Variants in USH2A observed in about 807,000 individuals in gnomAD.
USH2A encodes Usher syndrome 2A (autosomal recessive, mild).
USH2A carries 443 observed loss-of-function variants against 538.9 expected under a neutral mutation model. The observed-to-expected ratio is 0.82, with a 90% CI of 0.76 to 0.89. USH2A has a LOEUF of 0.89. Among genes scored for constraint, USH2A ranks in the 40% least tolerant of loss-of-function variants. The probability of loss-of-function intolerance (pLI) is 0.00; values close to 1 mark genes in which losing one functional copy is unlikely to be tolerated. For missense variants in USH2A, 6,633 were observed against 6,324.8 expected (o/e 1.05, Z -1.65); for synonymous variants, 2,413 against 2,273.5 (o/e 1.06, Z -1.75).
intron 21 of USH2A, among the ~76,000 whole-genome samples, chr1:216,110,157 C>T (rs887097614): frequency 6.6e-6 from 1 of 151,974 alleles, no homozygotes; most frequent in African/African-American, 2.4e-5. Context: ...AATCAAGTAT[C>T]ATATGATGTT....
chr1:216,176,993 A>G (rs1312662803), intron 20 of USH2A, among the ~76,000 whole-genome samples: 3 of 152,204 alleles, frequency 2.0e-5, no homozygotes, highest in African/African-American at 7.2e-5. Flanking sequence ...GGCAATTGTG[A>G]ATAAAGCTGC....
chr1:216,070,506 G>A lies in USH2A; in HGVS notation c.5858-214C>T, dbSNP rs138682307. Among the ~76,000 whole-genome samples, 4,164 of 152,046 alleles carry A rather than the reference G, an allele frequency of 0.027. 102 individuals carry two copies. The highest frequency in any genetic ancestry group is 0.068 in the Middle Eastern group (20 of 294). ...ATTTCAAAACCATCAAAACTCCATC[G>A]ACATAACATTCTTTCAAGTCTAGTC... On this transcript the variant is annotated intron_variant, in intron 29 of 71. Coordinates refer to ENST00000307340, the MANE Select transcript of USH2A (RefSeq NM_206933.4).
At chr1:215,673,506 C>T (rs1290560077) in intron 63 of USH2A, among the ~76,000 whole-genome samples, 1 of 152,152 alleles carries the variant, frequency 6.6e-6, no homozygotes, top group Non-Finnish European at 1.5e-5. Context: ...CAACGCACTT[C>T]CATGCATGTC....
chr1:216,239,842 T>C (rs567725162), intron 13 of USH2A, among the ~76,000 whole-genome samples: 1 of 152,182 alleles, frequency 6.6e-6, no homozygotes, highest in South Asian at 2.1e-4. Context: ...ATCAGCAGAA[T>C]TGGTTTTATT....
intron 21 of USH2A, among the ~76,000 whole-genome samples, chr1:216,146,277 A>T (rs2033701611): frequency 6.6e-6 from 1 of 152,124 alleles, no homozygotes; most frequent in South Asian, 2.1e-4. Flanking sequence ...TCTTGGTGCC[A>T]CACTTCAATC....
rs145411409 is a variant in USH2A, at chr1:215,967,460, C to T, written c.6958-1981G>A. 9.9e-3 allele frequency among the ~76,000 whole-genome samples: 1,512 copies of T among 152,250 alleles called. 21 individuals are homozygous for T. The highest frequency in any genetic ancestry group is 0.034 in the African/African-American group (1,403 of 41,532). ...GGGATTACAGGTGTGAGCCACCATG[C>T]CTGGCCATAAACTGTTATTCTTAAT... On this transcript the variant is annotated intron_variant, in intron 36 of 71. Coordinates refer to ENST00000307340, the MANE Select transcript of USH2A (RefSeq NM_206933.4).
At chr1:216,043,513 T>C (rs891666242) in intron 32 of USH2A, among the ~76,000 whole-genome samples, 2 of 152,116 alleles carry the variant, frequency 1.3e-5, no homozygotes, top group African/African-American at 4.8e-5. Flanking sequence ...AATCAATCTA[T>C]TACCATGGAT....
chr1:216,190,086 G>T, intron 20 of USH2A, 137 bp downstream of exon 20: 1 of 1,257,602 alleles, frequency 8.0e-7, no homozygotes, highest in Non-Finnish European at 1.1e-6. Context: ...GTTTAAAACT[G>T]TTGAGGTAAG....
At chr1:216,109,029 G>T (rs1400410263) in intron 21 of USH2A, among the ~76,000 whole-genome samples, 3 of 152,034 alleles carry the variant, frequency 2.0e-5, no homozygotes, top group African/African-American at 7.2e-5. Context: ...TTCAACCATT[G>T]GTGATGCCAC....
rs727504551 is a variant in USH2A, at chr1:215,674,103, T to G, written c.13808A>C (p.His4603Pro). The G allele has an allele frequency of 2.5e-6, 4 of 1,614,048 alleles. No individual in the cohort carries two copies. Among genetic ancestry groups the G allele is most frequent in the Non-Finnish European group, 3.4e-6 (4 of 1,179,986 alleles). The change falls in exon 63 of 72, where the codon CAC (histidine) becomes CCC (proline). Residue 4603 changes from histidine (H) to proline (P), a missense_variant. Transcript: ENST00000307340. ...SYIVNQLKPF[H>P]RYEIRIQACT... ...AAACCGAGACATGGCTACCTACCTGTGAAATGGCTTCAGCTGGTTTACTAT... is the reference window on the plus strand; with the variant it reads ...AAACCGAGACATGGCTACCTACCTGGGAAATGGCTTCAGCTGGTTTACTAT...
chr1:216,213,154 C>A (rs534186957), intron 15 of USH2A, among the ~76,000 whole-genome samples: 1 of 152,182 alleles, frequency 6.6e-6, no homozygotes, highest in African/African-American at 2.4e-5. Flanking sequence ...TTATTCATTG[C>A]TGGCTTATAG....
chr1:216,247,094 TC>T lies in USH2A; in HGVS notation c.2299del (p.Glu767SerfsTer21), dbSNP rs80338903. 1,529 of 1,613,920 alleles carry T rather than the reference TC, an allele frequency of 9.5e-4. 2 individuals are homozygous for T. The highest frequency in any genetic ancestry group is 1.4e-3 in the Admixed American group (84 of 59,990). ...AAGTCCTTTGGCTTCTTTTTTGCACTCACACTGCCCAGAGTGAGGATTGCAG... is the reference window on the plus strand; with the variant it reads ...AAGTCCTTTGGCTTCTTTTTTGCACTACACTGCCCAGAGTGAGGATTGCAG... ...KFCNPHSGQC[E>X]CKKEAKGLQC... is the part of the protein sequence containing the mutation. On this transcript the variant is annotated frameshift_variant, in exon 13 of 72. Coordinates refer to ENST00000307340, the MANE Select transcript of USH2A (RefSeq NM_206933.4). LOFTEE classifies it high-confidence loss of function.
At chr1:216,358,192 G>A (rs2038423537) in intron 4 of USH2A, among the ~76,000 whole-genome samples, 1 of 152,106 alleles carries the variant, frequency 6.6e-6, no homozygotes, top group East Asian at 1.9e-4. Context: ...CTCTGTAGTA[G>A]CCAACACTCA....
intron 11 of USH2A, among the ~76,000 whole-genome samples, chr1:216,280,653 G>C (rs149487077): frequency 1.4e-4 from 21 of 152,218 alleles, no homozygotes; most frequent in African/African-American, 4.8e-4. Flanking sequence ...CAGTGACTCA[G>C]AGCATTACTT....
At chr1:216,061,300 T>C (rs1057017611) in intron 30 of USH2A, among the ~76,000 whole-genome samples, 5 of 152,252 alleles carry the variant, frequency 3.3e-5, no homozygotes, top group African/African-American at 1.2e-4. Flanking sequence ...CTGCTTTTTG[T>C]AAGTCTGAAC....
chr1:216,179,443 C>A (rs1304059007), intron 20 of USH2A, among the ~76,000 whole-genome samples: 1 of 152,060 alleles, frequency 6.6e-6, no homozygotes, highest in Non-Finnish European at 1.5e-5. Context: ...AGCAATGGGA[C>A]TGTCCTTTAG....
intron 61 of USH2A, among the ~76,000 whole-genome samples, chr1:215,710,668 G>A (rs1659315382): frequency 1.3e-5 from 2 of 151,984 alleles, no homozygotes; most frequent in South Asian, 4.2e-4. Context: ...CATCATTTCC[G>A]TTCAGAAACA....
intron 32 of USH2A, among the ~76,000 whole-genome samples, chr1:216,034,200 C>A (rs1669192634): frequency 6.6e-6 from 1 of 152,092 alleles, no homozygotes; most frequent in African/African-American, 2.4e-5. Flanking sequence ...AGGAAGAGAT[C>A]ACACCAGAGC....
At chr1:216,196,866 T>A (rs1421843639) in intron 18 of USH2A, 144 bp from the exon 19 acceptor site, 6 of 964,370 alleles carry the variant, frequency 6.2e-6, no homozygotes, top group Non-Finnish European at 7.9e-6. Flanking sequence ...AAGAATATGC[T>A]GGTATATGTA....
Sources: gnomAD v4.1 joint callset for allele counts (sites outside exome capture counted in the v4.1 genomes callset) on GRCh38, gnomAD v4.1.1 for gene constraint, MANE v1.5 for transcripts, NCBI Gene and HGNC (gene_info 2026-07-23, HGNC 2026-07-21) for gene names.